The following OGFOD1 variants were observed in gnomAD, a reference collection of about 807,000 sequenced individuals.
OGFOD1 encodes the protein 2-oxoglutarate and iron dependent oxygenase domain containing 1, also known as prolyl 3-hydroxylase OGFOD1.
OGFOD1 carries 54 observed loss-of-function variants against 67.7 expected under a neutral mutation model. That is an observed-to-expected ratio of 0.80 (90% CI 0.64 to 1.00). The LOEUF (loss-of-function observed/expected upper bound fraction) is 1.00, where lower values mean the gene tolerates loss of function less well. Among genes scored for constraint, OGFOD1 ranks in the 50% least tolerant of loss-of-function variants. The pLI is 0.00. For synonymous variants in OGFOD1, 221 were observed against 227.0 expected (o/e 0.97, Z 0.24); for missense variants, 606 against 646.7 (o/e 0.94, Z 0.68).
chr16:56,462,844 C>T (rs1398985529), intron 4 of OGFOD1, among the ~76,000 whole-genome samples: 1 of 152,198 alleles, frequency 6.6e-6, no homozygotes, highest in African/African-American at 2.4e-5. Flanking sequence ...ATGAAAGCTA[C>T]TGACCATATT....
Position 56,463,384 on chromosome 16 carries a change from G to GTTTTTTTTTTTTTTTT in OGFOD1, c.448+765_448+780dup, listed in dbSNP as rs56388148. ...TACTGCCATGTCATTTCTTTTTTGG[G>GTTTTTTTTTTTTTTTT]TTTTTTTTTTTTTTTTTTTTTTTTT... On this transcript the variant is annotated intron_variant, in intron 4 of 12. Transcript: ENST00000566157. Among the ~76,000 whole-genome samples the GTTTTTTTTTTTTTTTT allele has an allele frequency of 7.1e-4, 31 of 43,806 alleles. 4 individuals carry two copies. The highest frequency in any genetic ancestry group is 1.6e-3 in the East Asian group (2 of 1,290). 28.7% of individuals were successfully genotyped at this position (43,806 alleles called of 152,430 possible).
chr16:56,463,054 TATATGGTG>T (rs1446938889), intron 4 of OGFOD1, among the ~76,000 whole-genome samples: 1 of 152,176 alleles, frequency 6.6e-6, no homozygotes, highest in Non-Finnish European at 1.5e-5. Flanking sequence ...ATATTGCAGG[TATATGGTG>T]TAAACCATGA....
At chr16:56,462,923 A>T (rs1962762039) in intron 4 of OGFOD1, among the ~76,000 whole-genome samples, 2 of 152,250 alleles carry the variant, frequency 1.3e-5, no homozygotes, top group Admixed American at 1.3e-4. Flanking sequence ...TCAGAGTGAT[A>T]TATAAACTCT....
At chr16:56,470,876 C>T (rs1035996907) in intron 10 of OGFOD1, 85 bp downstream of exon 10, 21 of 1,318,502 alleles carry the variant, frequency 1.6e-5, no homozygotes, top group Non-Finnish European at 2.2e-5. Flanking sequence ...ATTTATTGAG[C>T]ATCTACTGTG....
chr16:56,475,941 A>G lies in OGFOD1; in HGVS notation c.1468-103A>G, dbSNP rs150658538. 4,017 of 1,067,168 alleles carry G rather than the reference A, an allele frequency of 3.8e-3. 17 individuals carry two copies. Among genetic ancestry groups the G allele is most frequent in the Non-Finnish European group, 5.0e-3 (3,687 of 734,780 alleles). The allele number at this position is 1,067,168 out of a possible 1,614,324, so 66.1% of individuals were successfully genotyped here. A position where few individuals can be genotyped will look rare whatever the true frequency, so the allele number is the denominator to read the frequency against. On this transcript the variant is annotated intron_variant, in intron 12 of 12. Transcript: ENST00000566157. Reference sequence around the variant, plus strand: ...TCATTCAGAGGACCCCTCTATCCCCAGATTAAGTGCTTGATATGGAAACCA... The same window carrying G: ...TCATTCAGAGGACCCCTCTATCCCCGGATTAAGTGCTTGATATGGAAACCA...
At chr16:56,469,956 G>A (rs753106684) in intron 8 of OGFOD1, 47 bp from the exon 9 acceptor site, 3 of 1,541,980 alleles carry the variant, frequency 1.9e-6, no homozygotes, top group South Asian at 1.1e-5. Context: ...CCAGTGCGGG[G>A]TAATAGGGAG....
At chr16:56,455,793 A>G (rs1182241483) in intron 2 of OGFOD1, among the ~76,000 whole-genome samples, 1 of 152,128 alleles carries the variant, frequency 6.6e-6, no homozygotes, top group Non-Finnish European at 1.5e-5. Flanking sequence ...CCATTACTAT[A>G]CCTGTTTCAC....
In OGFOD1 at chr16:56,466,228, C is replaced by T. The variant is rs553071842; in HGVS notation, c.525C>T (p.Asp175=). The part of the protein sequence containing the change: ...AFILYLVPPW[D]RSMGGTLDLY... ...TCCTGTACCTGGTTCCTCCCTGGGA[C>T]AGGAGCATGGGTGGTACCCTGGACC... The change falls in exon 5 of 13, where the codon GAC becomes GAT. Residue 175 remains aspartate, a synonymous_variant. Transcript: ENST00000566157. 8 of 1,614,038 alleles carry T rather than the reference C, an allele frequency of 5.0e-6. 1 individual carries two copies. In the East Asian group the frequency reaches 1.6e-4, roughly 31 times the overall value.
chr16:56,469,934 G>A, intron 8 of OGFOD1, 69 bp from the exon 9 acceptor site: 2 of 1,271,462 alleles, frequency 1.6e-6, no homozygotes, highest in Non-Finnish European at 2.3e-6. Flanking sequence ...CAGAGCTGCT[G>A]TACCTGCCAA....
rs150182072 is a variant in OGFOD1 at position 56,468,871 on chromosome 16, A to G, written c.900+853A>G. Among the ~76,000 whole-genome samples the G allele has an allele frequency of 7.8e-3, 1,185 of 152,212 alleles. 13 individuals carry two copies. The highest frequency in any genetic ancestry group is 7.9e-3 in the Admixed American group (121 of 15,296). On this transcript the variant is annotated intron_variant, in intron 8 of 12. Coordinates refer to ENST00000566157, the MANE Select transcript of OGFOD1 (RefSeq NM_018233.4). ...TTCATACCTGCCTTGTCTTTCTCAT[A>G]GAGTTGTTGTGAGGGCCAATAAGAT...
intron 3 of OGFOD1, among the ~76,000 whole-genome samples, chr16:56,461,603 A>G (rs1440171651): frequency 6.6e-6 from 1 of 152,224 alleles, no homozygotes; most frequent in Non-Finnish European, 1.5e-5. Context: ...ACTTGTAATC[A>G]GTATCTGAAG....
In OGFOD1 at chr16:56,470,011, A is replaced by AT; in HGVS notation, c.911dup (p.Thr305HisfsTer5). Reference sequence around the variant, plus strand: ...ATTTGCTCATTTTCTAGCCTGAGAAATTCACGAAAGTCTGTGAGGCCTTGG... The same window carrying AT: ...ATTTGCTCATTTTCTAGCCTGAGAAATTTCACGAAAGTCTGTGAGGCCTTGG... On this transcript the variant is annotated frameshift_variant, in exon 9 of 13. Coordinates refer to ENST00000566157, the MANE Select transcript of OGFOD1 (RefSeq NM_018233.4). LOFTEE classifies it high-confidence loss of function. 1 of 1,614,104 alleles carries AT rather than the reference A, an allele frequency of 6.2e-7. No homozygotes were observed. The highest frequency in any genetic ancestry group is 1.1e-5 in the South Asian group (1 of 91,082).
At chr16:56,464,859 A>T (rs1057251904) in intron 4 of OGFOD1, among the ~76,000 whole-genome samples, 1 of 152,236 alleles carries the variant, frequency 6.6e-6, no homozygotes, top group East Asian at 1.9e-4. Flanking sequence ...ATACTTAACA[A>T]TCAAGATCTG....
At chr16:56,474,713 T>C in intron 10 of OGFOD1, 115 bp from the exon 11 acceptor site, 3 of 734,264 alleles carry the variant, frequency 4.1e-6, no homozygotes, top group Non-Finnish European at 6.6e-6. Context: ...AATCAAAGGT[T>C]TGTGGGAATG....
chr16:56,462,314 T>G (rs1274602640), intron 3 of OGFOD1, among the ~76,000 whole-genome samples: 2 of 152,156 alleles, frequency 1.3e-5, no homozygotes, highest in Non-Finnish European at 2.9e-5. Flanking sequence ...AAATATAATG[T>G]AGGTAGAGAC....
Position 56,453,280 on chromosome 16 carries a change from A to C in OGFOD1, c.172A>C (p.Met58Leu), listed in dbSNP as rs371136180. The C allele has an allele frequency of 6.2e-7, 1 of 1,613,194 alleles. No homozygotes were observed. The highest frequency in any genetic ancestry group is 1.3e-5 in the African/African-American group (1 of 74,980). The stretch of plus-strand genomic sequence containing the variant: ...TCCAACAGAAGTCATTGTCATGGAC[A>C]TGGACCCTTTTCTTCACTGTGTGAT... Reference protein sequence around the residue: ...PFSHEVIVMDMDPFLHCVIPN... With the variant: ...PFSHEVIVMDLDPFLHCVIPN... The change falls in exon 2 of 13, where the codon ATG (methionine) becomes CTG (leucine). Residue 58 changes from methionine (M) to leucine (L), a missense_variant. Coordinates refer to ENST00000566157, the MANE Select transcript of OGFOD1 (RefSeq NM_018233.4).
intron 9 of OGFOD1, 143 bp downstream of exon 9, chr16:56,470,225 C>T: frequency 1.3e-6 from 1 of 760,458 alleles, no homozygotes; most frequent in Non-Finnish European, 2.1e-6. Flanking sequence ...AAATAACCAA[C>T]AGGAAAAAAT....
chr16:56,474,822 C>A lies in OGFOD1; in HGVS notation c.1286-6C>A, dbSNP rs1309416827. On this transcript the variant is annotated splice_region_variant and splice_polypyrimidine_tract_variant and intron_variant, in intron 10 of 12. Coordinates refer to ENST00000566157, the MANE Select transcript of OGFOD1 (RefSeq NM_018233.4). ...TAAAGTTTCTCATCTTTTTTTTTTT[C>A]CTTAGAATCAAGTGTTCCCATGTGC... 1.3e-6 allele frequency: 2 copies of A among 1,559,082 alleles called. No individual in the cohort carries two copies. Among genetic ancestry groups the A allele is most frequent in the African/African-American group, 1.4e-5 (1 of 70,768 alleles).
rs891761978 is a variant in OGFOD1, at chr16:56,467,075, T to C, written c.658-90T>C. The C allele has an allele frequency of 5.1e-6, 8 of 1,578,466 alleles. No homozygotes were observed. The African/African-American group carries it at 6.8e-5, about 13-fold the overall frequency. ...GACTTGTTATCTGATGTTGTTTTAA[T>C]GCTTAGCATGGAGGACCCTGAAATT... On this transcript the variant is annotated intron_variant, in intron 6 of 12. Transcript: ENST00000566157.
Sources: gnomAD v4.1 joint callset for allele counts (sites outside exome capture counted in the v4.1 genomes callset) on GRCh38, gnomAD v4.1.1 for gene constraint, MANE v1.5 for transcripts, NCBI Gene and HGNC (gene_info 2026-07-23, HGNC 2026-07-21) for gene names.